CSF1R: variants seen among roughly 807,000 people sequenced by gnomAD.
The protein encoded by CSF1R is colony stimulating factor 1 receptor, also known as macrophage colony-stimulating factor 1 receptor.
A neutral mutation model predicts 110.0 loss-of-function variants in CSF1R; 40 were observed. The ratio of observed to expected loss-of-function variants is 0.36; its 90% confidence interval spans 0.28 to 0.47. The LOEUF (loss-of-function observed/expected upper bound fraction) is 0.47, where lower values mean the gene tolerates loss of function less well. Among genes scored for constraint, CSF1R ranks in the 20% least tolerant of loss-of-function variants. The pLI, the probability that CSF1R is intolerant of heterozygous loss-of-function variation, is 0.99. For missense variants in CSF1R, 1,052 were observed against 1,253.0 expected (o/e 0.84, Z 2.42); for synonymous variants, 523 against 503.4 (o/e 1.04, Z -0.52).
intron 10 of CSF1R, among the ~76,000 whole-genome samples, chr5:150,062,742 T>C (rs1757588282): frequency 6.6e-6 from 1 of 152,140 alleles, no homozygotes; most frequent in South Asian, 2.1e-4. Context: ...AGAGAGGCAT[T>C]AAACGCAAAT....
chr5:150,070,658 G>T (rs1360337714), intron 6 of CSF1R, 87 bp from the exon 7 acceptor site: 13 of 922,560 alleles, frequency 1.4e-5, no homozygotes, highest in Admixed American at 3.7e-5. Flanking sequence ...CCTTAAAGGG[G>T]TTTATTTTAT....
In CSF1R at chr5:150,057,237, C is replaced by T. The variant is rs368898219; in HGVS notation, c.2319+50G>A. 18 of 1,549,454 alleles carry T rather than the reference C, an allele frequency of 1.2e-5. No homozygotes were observed. The African/African-American group carries it at 2.4e-4, about 21-fold the overall frequency. On this transcript the variant is annotated intron_variant, in intron 16 of 20. Coordinates refer to ENST00000675795, the MANE Select transcript of CSF1R (RefSeq NM_001288705.3). ...CCCCATCGTCACTCATCCAGCCTCC[C>T]CGGAGCACAGACCTGGGTGGCTATG... is the stretch of plus-strand genomic sequence containing the variant.
chr5:150,110,792 A>G (rs879522015), intron 1 of CSF1R, among the ~76,000 whole-genome samples: 8 of 152,264 alleles, frequency 5.3e-5, no homozygotes, highest in Non-Finnish European at 8.8e-5. Flanking sequence ...TAAAGATTTA[A>G]AATGTTACTG....
At chr5:150,089,121 G>A (rs1203474155), upstream of CSF1R, among the ~76,000 whole-genome samples, 1 of 152,132 alleles carries the variant, frequency 6.6e-6, no homozygotes, top group Non-Finnish European at 1.5e-5. Context: ...CTAATTCAAT[G>A]GTAAAAGACT....
chr5:150,112,681 A>C (rs549211508), intron 1 of CSF1R, among the ~76,000 whole-genome samples: 1 of 152,304 alleles, frequency 6.6e-6, no homozygotes, highest in South Asian at 2.1e-4. Context: ...GTGTTTTCTG[A>C]AGCCAGGATC....
chr5:150,078,164 G>T lies in CSF1R; in HGVS notation c.677C>A (p.Ala226Asp). ...ATCAAAGTTAACATCAACGCTGCTG[G>T]CTGAGCACACGATCTGGGCAGCCTC... Reference protein sequence around the residue: ...RGEAAQIVCSASSVDVNFDVF... With the variant: ...RGEAAQIVCSDSSVDVNFDVF... The change falls in exon 4 of 21, where the codon GCC becomes GAC. Residue 226 changes from alanine to aspartate, a missense_variant. Transcript: ENST00000675795. 6.2e-7 allele frequency: 1 copy of T among 1,614,148 alleles called. No homozygotes were observed. Among genetic ancestry groups the T allele is most frequent in the South Asian group, 1.1e-5 (1 of 91,080 alleles).
At chr5:150,061,286 A>G (rs1231918878) in intron 12 of CSF1R, among the ~76,000 whole-genome samples, 2 of 152,134 alleles carry the variant, frequency 1.3e-5, no homozygotes, top group African/African-American at 4.8e-5. Context: ...CCCCTTCACA[A>G]CTAAAGGGTG....
At chr5:150,080,004 C>G in intron 3 of CSF1R, 48 bp downstream of exon 3, 1 of 1,585,396 alleles carries the variant, frequency 6.3e-7, no homozygotes, top group South Asian at 1.2e-5. Flanking sequence ...CGCCGGCTCT[C>G]TGTCCCCACT....
At chr5:150,062,933 G>A (rs1757594161) in intron 10 of CSF1R, among the ~76,000 whole-genome samples, 1 of 152,168 alleles carries the variant, frequency 6.6e-6, no homozygotes, top group African/African-American at 2.4e-5. Flanking sequence ...CTATAGGAAG[G>A]CAGCCATCAT....
intron 1 of CSF1R, among the ~76,000 whole-genome samples, chr5:150,084,617 T>A (rs965944134): frequency 1.3e-5 from 2 of 151,616 alleles, no homozygotes; most frequent in African/African-American, 4.8e-5. Flanking sequence ...CACACCCGGC[T>A]AATTTTTGTA....
rs539343994 is a variant in CSF1R, at chr5:150,105,156, G to C, written c.-181+8105C>G. On this transcript the variant is annotated intron_variant, in intron 1 of 21. Coordinates refer to the CSF1R transcript ENST00000286301. Reference sequence around the variant, plus strand: ...GAGATCAGGAGATGGAGACCAGCCTGGCTAACACAGTGAAACCCTGTCTCT... The same window carrying C: ...GAGATCAGGAGATGGAGACCAGCCTCGCTAACACAGTGAAACCCTGTCTCT... Among the ~76,000 whole-genome samples, 4 of 151,436 alleles carry C rather than the reference G, an allele frequency of 2.6e-5. No individual in the cohort carries two copies. The South Asian group carries it at 6.2e-4, about 24-fold the overall frequency.
chr5:150,087,142 G>A (rs990373146), upstream of CSF1R, among the ~76,000 whole-genome samples: 2 of 152,170 alleles, frequency 1.3e-5, no homozygotes, highest in African/African-American at 4.8e-5. Context: ...GAATCGGAGG[G>A]CACCAGATTC....
chr5:150,086,147 G>A (rs1048037137), intron 1 of CSF1R, among the ~76,000 whole-genome samples: 1 of 151,918 alleles, frequency 6.6e-6, no homozygotes. Context: ...CACACAGTGA[G>A]TCGCTGGCAG....
In CSF1R at chr5:150,073,482, A is replaced by G. The variant is rs1307261193; in HGVS notation, c.901T>C (p.Leu301=). 1 of 1,613,318 alleles carries G rather than the reference A, an allele frequency of 6.2e-7. No individual in the cohort carries two copies. Among genetic ancestry groups the G allele is most frequent in the Non-Finnish European group, 8.5e-7 (1 of 1,179,444 alleles). ...MFFRVVESAY[L]NLSSEQNLIQ... ...AGGTTCTGCTCAGAGCTCAAGTTCA[A>G]GTAGGCACTCTCTGGAAAGCAGAAC... Residue 301 remains leucine (L), a synonymous_variant, in exon 6 of 21, where the codon TTG becomes CTG. Transcript: ENST00000675795.
chr5:150,078,832 A>G (rs968891053), intron 3 of CSF1R, among the ~76,000 whole-genome samples: 4 of 152,028 alleles, frequency 2.6e-5, no homozygotes, highest in Non-Finnish European at 5.9e-5. Context: ...TCAGATCTTT[A>G]GCTCAAAAAT....
chr5:150,055,403 C>T, intron 18 of CSF1R, 67 bp from the exon 19 acceptor site: 1 of 1,342,700 alleles, frequency 7.4e-7, no homozygotes, highest in Non-Finnish European at 1.1e-6. Flanking sequence ...CACACCCACA[C>T]ACATCTTAGA....
At chr5:150,070,843 T>C (rs956530183) in intron 6 of CSF1R, among the ~76,000 whole-genome samples, 10 of 152,208 alleles carry the variant, frequency 6.6e-5, no homozygotes, top group Admixed American at 2.6e-4. Flanking sequence ...GGGAGGCCTA[T>C]CACAGGTCGC....
At chr5:150,099,820 T>C (rs1316628192) in intron 1 of CSF1R, among the ~76,000 whole-genome samples, 9 of 152,168 alleles carry the variant, frequency 5.9e-5, no homozygotes, top group Admixed American at 5.2e-4. Flanking sequence ...ACTATATACA[T>C]TTGTCAAAAG....
At chr5:150,066,137 T>TCC (rs1205543552) in intron 10 of CSF1R, among the ~76,000 whole-genome samples, 3 of 151,842 alleles carry the variant, frequency 2.0e-5, no homozygotes, top group South Asian at 2.1e-4. Context: ...ACCTCAGACC[T>TCC]CCCCCTCCTT....
Sources: allele counts gnomAD v4.1 joint callset (sites outside exome capture counted in the v4.1 genomes callset), GRCh38; gene constraint gnomAD v4.1.1; transcripts MANE v1.5; gene names NCBI Gene and HGNC (gene_info 2026-07-23, HGNC 2026-07-21).